ADAMTSL1: variants seen among roughly 807,000 people sequenced by gnomAD.
The protein encoded by ADAMTSL1 is ADAMTS like 1, also known as ADAMTS-like protein 1.
A neutral mutation model predicts 201.8 loss-of-function variants in ADAMTSL1; 126 were observed. That is an observed-to-expected ratio of 0.62 (90% CI 0.54 to 0.72). ADAMTSL1 has a LOEUF of 0.72. ADAMTSL1 is among the 30% of genes least tolerant of loss of function. ADAMTSL1 has a pLI of 0.00. For missense variants in ADAMTSL1, 2,679 were observed against 2,277.8 expected (o/e 1.18, Z -3.59); for synonymous variants, 1,121 against 903.4 (o/e 1.24, Z -4.32).
chr9:17,953,023 A>T (rs1346582493), intron 1 of ADAMTSL1, among the ~76,000 whole-genome samples: 1 of 126,288 alleles, frequency 7.9e-6, no homozygotes, highest in Non-Finnish European at 1.7e-5. Context: ...TCATTTTGTC[A>T]ATTTCCATAG....
chr9:18,790,442 T>C (rs968870806), intron 19 of ADAMTSL1, among the ~76,000 whole-genome samples: 2 of 152,188 alleles, frequency 1.3e-5, no homozygotes, highest in Non-Finnish European at 2.9e-5. Flanking sequence ...GAGGACCCCA[T>C]GATGCCAACC....
intron 1 of ADAMTSL1, among the ~76,000 whole-genome samples, chr9:17,948,991 T>TA (rs1334691483): frequency 6.6e-6 from 1 of 152,170 alleles, no homozygotes; most frequent in African/African-American, 2.4e-5. Flanking sequence ...GATAGCTAGT[T>TA]AAAAAATATC....
chr9:18,422,723 T>C (rs778395805), intron 2 of ADAMTSL1, among the ~76,000 whole-genome samples: 4 of 152,114 alleles, frequency 2.6e-5, no homozygotes, highest in Non-Finnish European at 4.4e-5. Context: ...TCAAAGGGCG[T>C]AGATCCTTCT....
At chr9:18,624,030 G>A (rs1398795433) in intron 5 of ADAMTSL1, among the ~76,000 whole-genome samples, 1 of 152,134 alleles carries the variant, frequency 6.6e-6, no homozygotes, top group African/African-American at 2.4e-5. Flanking sequence ...GTCCTGAAAA[G>A]GCAGCTTGCC....
intron 4 of ADAMTSL1, among the ~76,000 whole-genome samples, chr9:18,581,122 C>G (rs1457692592): frequency 1.3e-5 from 2 of 152,108 alleles, no homozygotes; most frequent in Non-Finnish European, 2.9e-5. Context: ...TCCTTTGCCT[C>G]TTTTGCCTCT....
chr9:18,115,361 A>AG (rs1425209623), intron 1 of ADAMTSL1, among the ~76,000 whole-genome samples: 2 of 152,274 alleles, frequency 1.3e-5, no homozygotes, highest in Non-Finnish European at 2.9e-5. Context: ...GAAGGCAGGC[A>AG]GGGGGACCTG....
intron 2 of ADAMTSL1, among the ~76,000 whole-genome samples, chr9:18,305,898 A>C (rs1005028183): frequency 6.6e-6 from 1 of 152,124 alleles, no homozygotes; most frequent in African/African-American, 2.4e-5. Flanking sequence ...CCTGACCTCC[A>C]TGACTCCTGA....
intron 5 of ADAMTSL1, among the ~76,000 whole-genome samples, chr9:18,625,897 A>T (rs1299263106): frequency 2.0e-5 from 3 of 152,224 alleles, no homozygotes; most frequent in Non-Finnish European, 4.4e-5. Flanking sequence ...ATACTTAAAA[A>T]TGTGCTTCTC....
intron 26 of ADAMTSL1, among the ~76,000 whole-genome samples, chr9:18,897,648 T>A (rs1239061448): frequency 6.6e-6 from 1 of 152,028 alleles, no homozygotes; most frequent in Admixed American, 6.6e-5. Context: ...GCCTATTAAA[T>A]AGAAAACAAT....
chr9:18,528,415 G>T (rs1453033732), intron 2 of ADAMTSL1, among the ~76,000 whole-genome samples: 4 of 151,912 alleles, frequency 2.6e-5, no homozygotes, highest in Admixed American at 2.6e-4. Flanking sequence ...CACCCCTCAC[G>T]TATACATGTG....
intron 2 of ADAMTSL1, among the ~76,000 whole-genome samples, chr9:18,198,114 G>A (rs893268435): frequency 1.1e-4 from 17 of 152,106 alleles, no homozygotes; most frequent in Non-Finnish European, 2.1e-4. Context: ...AATTCAAGAT[G>A]GATTGAAGGC....
intron 1 of ADAMTSL1, among the ~76,000 whole-genome samples, chr9:18,474,723 C>G (rs1212794157): frequency 6.6e-6 from 1 of 152,128 alleles, no homozygotes; most frequent in African/African-American, 2.4e-5. Context: ...TAATGAATTA[C>G]TTTCCATCTA....
chr9:18,647,635 T>G (rs1464310315), intron 7 of ADAMTSL1, among the ~76,000 whole-genome samples: 1 of 151,684 alleles, frequency 6.6e-6, no homozygotes, highest in African/African-American at 2.4e-5. Flanking sequence ...TGCCTTCATT[T>G]CGTTATGTAC....
intron 1 of ADAMTSL1, among the ~76,000 whole-genome samples, chr9:18,498,723 G>A (rs1008699557): frequency 5.3e-5 from 8 of 152,110 alleles, no homozygotes; most frequent in East Asian, 1.9e-4. Context: ...AGGAAAGTCC[G>A]TCTCACTCTA....
chr9:18,723,665 A>C (rs957821257), intron 15 of ADAMTSL1: 1 of 154,110 alleles, frequency 6.5e-6, no homozygotes, highest in African/African-American at 2.4e-5. Flanking sequence ...CTCACTGGGC[A>C]CAGCCAGGAG....
At chr9:18,683,090 G>A (rs1051989152) in intron 12 of ADAMTSL1, among the ~76,000 whole-genome samples, 1 of 152,178 alleles carries the variant, frequency 6.6e-6, no homozygotes, top group Non-Finnish European at 1.5e-5. Flanking sequence ...GTTGCCACAG[G>A]TGCGTCTGAC....
At chr9:18,335,634 A>G (rs900514115) in intron 2 of ADAMTSL1, among the ~76,000 whole-genome samples, 25 of 152,228 alleles carry the variant, frequency 1.6e-4, no homozygotes, top group Middle Eastern at 3.4e-3. Context: ...CCATTAAATA[A>G]CCTCATAGCT....
intron 16 of ADAMTSL1, among the ~76,000 whole-genome samples, chr9:18,764,476 G>A (rs1028328485): frequency 1.3e-5 from 2 of 152,160 alleles, no homozygotes; most frequent in Admixed American, 1.3e-4. Context: ...CAATTTGGAT[G>A]CCATTTATAT....
intron 2 of ADAMTSL1, among the ~76,000 whole-genome samples, chr9:18,288,760 T>C (rs1563861158): frequency 6.6e-6 from 1 of 152,210 alleles, no homozygotes; most frequent in Non-Finnish European, 1.5e-5. Context: ...TACCCTCAGG[T>C]CTCTTCAGCC....
Sources: allele counts gnomAD v4.1 joint callset (sites outside exome capture counted in the v4.1 genomes callset), GRCh38; gene constraint gnomAD v4.1.1; transcripts MANE v1.5; gene names NCBI Gene and HGNC (gene_info 2026-07-23, HGNC 2026-07-21).